Variants in ANKH observed in about 807,000 individuals in gnomAD.
The protein encoded by ANKH is mineralization regulator ANKH.
A neutral mutation model predicts 49.0 loss-of-function variants in ANKH; 15 were observed. The observed-to-expected ratio is 0.31, with a 90% confidence interval of 0.20 to 0.47. The LOEUF (loss-of-function observed/expected upper bound fraction) is 0.47, where lower values mean the gene tolerates loss of function less well. Among genes scored for constraint, ANKH ranks in the 20% least tolerant of loss-of-function variants. The pLI is 1.00. For missense variants in ANKH, 429 were observed against 652.0 expected, an observed-to-expected ratio of 0.66 and a Z score of 3.72; for synonymous variants, 273 against 260.0, an observed-to-expected ratio of 1.05 and a Z score of -0.48.
intron 1 of ANKH, among the ~76,000 whole-genome samples, chr5:14,841,350 G>A (rs1312382889): frequency 6.6e-6 from 1 of 151,234 alleles, no homozygotes; most frequent in Non-Finnish European, 1.5e-5. Flanking sequence ...AGGCTAAAGT[G>A]CAATGGTGCG....
chr5:14,796,132 T>C (rs1448744494), intron 1 of ANKH, among the ~76,000 whole-genome samples: 1 of 151,630 alleles, frequency 6.6e-6, no homozygotes, highest in African/African-American at 2.4e-5. Context: ...CAGACCTTGT[T>C]TTATTGAGCT....
intron 2 of ANKH, 136 bp from the exon 3 acceptor site, chr5:14,758,734 A>G: frequency 1.4e-6 from 1 of 725,434 alleles, no homozygotes; most frequent in Non-Finnish European, 2.4e-6. Flanking sequence ...CAAATAGAAA[A>G]AAATCATCTA....
At chr5:14,805,726 T>C (rs1398550682) in intron 1 of ANKH, among the ~76,000 whole-genome samples, 6 of 152,028 alleles carry the variant, frequency 3.9e-5, no homozygotes, top group Non-Finnish European at 1.5e-5. Context: ...CCTGACACAA[T>C]GTTATTAAAG....
intron 1 of ANKH, among the ~76,000 whole-genome samples, chr5:14,773,746 G>A (rs2126518803): frequency 6.6e-6 from 1 of 152,314 alleles, no homozygotes; most frequent in African/African-American, 2.4e-5. Flanking sequence ...GCGCTTGAAA[G>A]CAAGGATTTT....
intron 1 of ANKH, among the ~76,000 whole-genome samples, chr5:14,858,940 T>C (rs1221644603): frequency 1.3e-5 from 2 of 150,354 alleles, no homozygotes; most frequent in African/African-American, 4.9e-5. Flanking sequence ...AATTTAGTCT[T>C]TTTTTTTTAA....
chr5:14,807,352 T>A (rs1318126306), intron 1 of ANKH, among the ~76,000 whole-genome samples: 1 of 152,094 alleles, frequency 6.6e-6, no homozygotes, highest in Non-Finnish European at 1.5e-5. Context: ...TGAGCTCAGA[T>A]GATCCACCCG....
At chr5:14,739,423 GAA>G (rs200508674) in intron 8 of ANKH, among the ~76,000 whole-genome samples, 1 of 151,244 alleles carries the variant, frequency 6.6e-6, no homozygotes, top group South Asian at 2.1e-4. Flanking sequence ...TCTCAAAAAA[GAA>G]AAAAAAGAGA....
intron 2 of ANKH, among the ~76,000 whole-genome samples, chr5:14,764,472 A>T (rs189038914): frequency 2.0e-5 from 3 of 152,306 alleles, no homozygotes; most frequent in South Asian, 2.1e-4. Flanking sequence ...GCCAACAAGG[A>T]GCCCACCAAG....
intron 4 of ANKH, among the ~76,000 whole-genome samples, chr5:14,753,492 C>G (rs917817727): frequency 2.6e-5 from 4 of 152,090 alleles, no homozygotes; most frequent in Non-Finnish European, 5.9e-5. Flanking sequence ...ATCTGACCAG[C>G]CTTGGGATGT....
intron 8 of ANKH, among the ~76,000 whole-genome samples, chr5:14,727,581 C>CT (rs1246100936): frequency 6.6e-6 from 1 of 152,066 alleles, no homozygotes; most frequent in Non-Finnish European, 1.5e-5. Context: ...TTCCTTTTCT[C>CT]TGCAGCTTTA....
At chr5:14,765,379 C>T (rs570563044) in intron 2 of ANKH, among the ~76,000 whole-genome samples, 1 of 152,296 alleles carries the variant, frequency 6.6e-6, no homozygotes, top group African/African-American at 2.4e-5. Context: ...CAGTCCAACA[C>T]AATTCCAAGT....
intron 2 of ANKH, among the ~76,000 whole-genome samples, chr5:14,759,953 A>T (rs1403968605): frequency 6.6e-6 from 1 of 152,130 alleles, no homozygotes; most frequent in Non-Finnish European, 1.5e-5. Context: ...TGTGCCTACT[A>T]TTTTCATTCT....
chr5:14,788,966 C>A (rs182336834), intron 1 of ANKH, among the ~76,000 whole-genome samples: 1 of 152,202 alleles, frequency 6.6e-6, no homozygotes, highest in Non-Finnish European at 1.5e-5. Context: ...CGGTGGCTCA[C>A]GCCTGTAATC....
chr5:14,724,566 C>T (rs1164002655), intron 8 of ANKH: 1 of 985,274 alleles, frequency 1.0e-6, no homozygotes, highest in Non-Finnish European at 1.2e-6. Context: ...TACTATGCTA[C>T]AGTCCGAAAC....
chr5:14,814,399 G>T (rs1740972261), intron 1 of ANKH, among the ~76,000 whole-genome samples: 1 of 152,202 alleles, frequency 6.6e-6, no homozygotes, highest in African/African-American at 2.4e-5. Flanking sequence ...CCAGGAGCTT[G>T]AGACCAGCCT....
At chr5:14,871,163 G>A (rs746655407) in intron 1 of ANKH, 189 bp downstream of exon 1, 5 of 683,684 alleles carry the variant, frequency 7.3e-6, no homozygotes, top group South Asian at 6.0e-5. Context: ...GGAAAAGTCT[G>A]CTGAATAATT....
At chr5:14,743,311 T>A (rs1437577560) in intron 7 of ANKH, among the ~76,000 whole-genome samples, 5 of 152,284 alleles carry the variant, frequency 3.3e-5, no homozygotes, top group Admixed American at 2.0e-4. Flanking sequence ...TTGGAAAGAA[T>A]TAGGGAACCT....
intron 1 of ANKH, among the ~76,000 whole-genome samples, chr5:14,826,992 C>T (rs1580098993): frequency 2.0e-5 from 3 of 152,164 alleles, no homozygotes; most frequent in African/African-American, 7.2e-5. Flanking sequence ...AAACTCCTGA[C>T]CAAACCTCTT....
intron 1 of ANKH, among the ~76,000 whole-genome samples, chr5:14,796,041 G>T (rs1342577866): frequency 6.6e-6 from 1 of 152,034 alleles, no homozygotes; most frequent in African/African-American, 2.4e-5. Flanking sequence ...TGTCAGACTA[G>T]ATCTTAGCTG....
Sources: gnomAD v4.1 joint callset for allele counts (sites outside exome capture counted in the v4.1 genomes callset) on GRCh38, gnomAD v4.1.1 for gene constraint, MANE v1.5 for transcripts, NCBI Gene and HGNC (gene_info 2026-07-23, HGNC 2026-07-21) for gene names.